ANOS1: variants seen among roughly 807,000 people sequenced by gnomAD.
The protein encoded by ANOS1 is anosmin-1.
In ANOS1, 6 loss-of-function variants were observed where a neutral mutation model predicts 59.0. That is an observed-to-expected ratio of 0.10 (90% CI 0.06 to 0.20). ANOS1 has a LOEUF of 0.20. ANOS1 is among the 10% of genes least tolerant of loss of function. ANOS1 has a pLI of 1.00. For synonymous variants in ANOS1, 217 were observed against 223.4 expected (o/e 0.97, Z 0.25); for missense variants, 433 against 542.3 (o/e 0.80, Z 2.00).
intron 2 of ANOS1, among the ~76,000 whole-genome samples, chrX:8,679,814 C>T (rs1365369327): frequency 1.8e-5 from 2 of 111,442 alleles, no homozygotes; most frequent in East Asian, 5.7e-4. Context: ...TTTCCAACAA[C>T]GTCTCAGGTG....
intron 2 of ANOS1, among the ~76,000 whole-genome samples, chrX:8,674,912 A>T (rs1278950507): frequency 1.8e-5 from 2 of 111,284 alleles, no homozygotes; most frequent in Non-Finnish European, 3.8e-5. Context: ...TGTAATATAT[A>T]AATATATATT....
chrX:8,542,275 C>T (rs7891358), intron 9 of ANOS1, among the ~76,000 whole-genome samples: 2,577 of 111,799 alleles, frequency 0.023, 70 homozygotes, highest in African/African-American at 0.08. Flanking sequence ...TTTGCTGTAG[C>T]TACCATGTTG....
chrX:8,693,009 T>C (rs1015536748), intron 2 of ANOS1, among the ~76,000 whole-genome samples: 2 of 112,366 alleles, frequency 1.8e-5, no homozygotes, highest in Non-Finnish European at 3.8e-5. Context: ...CTGGGAAACA[T>C]AGATGTTAAC....
At chrX:8,667,828 T>C (rs887778299) in intron 2 of ANOS1, among the ~76,000 whole-genome samples, 16 of 110,947 alleles carry the variant, frequency 1.4e-4, no homozygotes, top group South Asian at 3.9e-4. Flanking sequence ...GGTAAGAGTA[T>C]GGCTGTGGAG....
At chrX:8,568,890 T>G (rs1290312946) in intron 7 of ANOS1, among the ~76,000 whole-genome samples, 1 of 111,695 alleles carries the variant, frequency 9.0e-6, no homozygotes, top group African/African-American at 3.3e-5. Flanking sequence ...GAAATACTGT[T>G]TCTAAACCAA....
intron 3 of ANOS1, among the ~76,000 whole-genome samples, chrX:8,599,416 CCAGGGCTCATTA>C (rs1308539029): frequency 1.8e-5 from 2 of 111,590 alleles, no homozygotes; most frequent in Non-Finnish European, 3.8e-5. Flanking sequence ...TGATCCCTAA[CCAGGGCTCATTA>C]CTGGTAACAT....
At chrX:8,731,190 G>C (rs1932973255) in intron 1 of ANOS1, among the ~76,000 whole-genome samples, 1 of 112,113 alleles carries the variant, frequency 8.9e-6, no homozygotes. Context: ...GCAAGACCTT[G>C]AATCTTTGGG....
chrX:8,668,141 G>C (rs368820116), intron 2 of ANOS1, among the ~76,000 whole-genome samples: 1 of 107,827 alleles, frequency 9.3e-6, no homozygotes, highest in African/African-American at 3.4e-5. Flanking sequence ...CACCCGAGCA[G>C]TATACACTGA....
chrX:8,570,766 A>G (rs1930218001), intron 6 of ANOS1, 62 bp from the exon 7 acceptor site: 1 of 1,019,049 alleles, frequency 9.8e-7, no homozygotes, highest in Non-Finnish European at 1.4e-6. Flanking sequence ...TTGGACATGT[A>G]ATGACTACAT....
chrX:8,631,893 ATGAACG>A (rs1351917402), intron 2 of ANOS1, among the ~76,000 whole-genome samples: 1 of 112,196 alleles, frequency 8.9e-6, no homozygotes, highest in Non-Finnish European at 1.9e-5. Flanking sequence ...AGGACTGGAC[ATGAACG>A]TACAGTTTCA....
chrX:8,603,141 A>G lies in ANOS1; in HGVS notation c.319-5885T>C, dbSNP rs141252532. Among the ~76,000 whole-genome samples the G allele has an allele frequency of 3.7e-3, 412 of 112,112 alleles. 2 individuals carry two copies. Among genetic ancestry groups the G allele is most frequent in the African/African-American group, 0.013 (398 of 30,886 alleles). ...GTTTATTTTGCCCTTACTGTCCCCAAAACTAAGAAAGAATTAGTCTGCAAA... is the reference window on the plus strand; with the variant it reads ...GTTTATTTTGCCCTTACTGTCCCCAGAACTAAGAAAGAATTAGTCTGCAAA... On this transcript the variant is annotated intron_variant, in intron 3 of 13. Transcript: ENST00000262648.
rs148536275 is a variant in ANOS1, at chrX:8,670,897, G to A, written c.255+28801C>T. 5.9e-4 allele frequency among the ~76,000 whole-genome samples: 66 copies of A among 111,106 alleles called. No homozygotes were observed. The East Asian group carries it at 0.017, about 29-fold the overall frequency. On this transcript the variant is annotated intron_variant, in intron 2 of 13. Transcript: ENST00000262648. ...TTTCCTAAGAAACTGGCATCAGAAC[G>A]GATGTTTCCATCTCCCTCGCTTCTT... is the stretch of plus-strand genomic sequence containing the variant.
intron 4 of ANOS1, among the ~76,000 whole-genome samples, chrX:8,589,775 C>A (rs962746567): frequency 5.3e-5 from 6 of 112,311 alleles, no homozygotes. Flanking sequence ...TATCTCTAAT[C>A]CCTGGCTAAG....
intron 6 of ANOS1, among the ~76,000 whole-genome samples, chrX:8,581,739 T>C (rs1930428527): frequency 1.8e-5 from 2 of 111,690 alleles, no homozygotes; most frequent in African/African-American, 6.5e-5. Flanking sequence ...AGAGCCTCAC[T>C]GCGAAAAAAT....
At chrX:8,606,285 C>A (rs1307362813) in intron 3 of ANOS1, among the ~76,000 whole-genome samples, 1 of 111,507 alleles carries the variant, frequency 9.0e-6, no homozygotes, top group African/African-American at 3.3e-5. Context: ...TAAAATTAAT[C>A]ATTTTTCTAT....
chrX:8,664,585 A>G (rs1236466926), intron 2 of ANOS1, among the ~76,000 whole-genome samples: 1 of 110,532 alleles, frequency 9.0e-6, no homozygotes, highest in African/African-American at 3.3e-5. Flanking sequence ...GCGTGCATGC[A>G]CACACACACA....
intron 2 of ANOS1, among the ~76,000 whole-genome samples, chrX:8,694,498 G>A (rs1932654910): frequency 9.0e-6 from 1 of 111,173 alleles, no homozygotes; most frequent in African/African-American, 3.3e-5. Flanking sequence ...GAGAAACCCT[G>A]TCTCTACTAA....
At chrX:8,667,333 G>A (rs1932161877) in intron 2 of ANOS1, among the ~76,000 whole-genome samples, 1 of 110,166 alleles carries the variant, frequency 9.1e-6, no homozygotes, top group East Asian at 2.9e-4. Context: ...GTGGGGAGTT[G>A]GTTGTTTTCT....
intron 2 of ANOS1, among the ~76,000 whole-genome samples, chrX:8,632,094 A>G (rs750593041): frequency 1.8e-5 from 2 of 111,710 alleles, no homozygotes; most frequent in Non-Finnish European, 3.8e-5. Context: ...GAATGGATAG[A>G]TAAGTCAGGC....
Sources: allele counts gnomAD v4.1 joint callset (sites outside exome capture counted in the v4.1 genomes callset), GRCh38; gene constraint gnomAD v4.1.1; transcripts MANE v1.5; gene names NCBI Gene and HGNC (gene_info 2026-07-23, HGNC 2026-07-21).